The following ARL6IP6 variants were observed in gnomAD, a reference collection of about 807,000 sequenced individuals.
ARL6IP6 encodes ADP-ribosylation factor-like protein 6-interacting protein 6.
Under a neutral mutation model 21.5 loss-of-function variants are expected in ARL6IP6, and 22 were observed. That is an observed-to-expected ratio of 1.02 (90% CI 0.73 to 1.46). ARL6IP6 has a LOEUF of 1.46. ARL6IP6 is among the 40% of genes most tolerant of loss of function. The probability of loss-of-function intolerance (pLI) is 0.00; values close to 1 mark genes in which losing one functional copy is unlikely to be tolerated. For synonymous variants in ARL6IP6, 164 were observed against 125.3 expected, an observed-to-expected ratio of 1.31 and a Z score of -2.06; for missense variants, 388 against 299.8, an observed-to-expected ratio of 1.29 and a Z score of -2.17.
intron 1 of ARL6IP6, 141 bp from the exon 2 acceptor site, chr2:152,720,391 TG>T: frequency 1.3e-6 from 1 of 752,938 alleles, no homozygotes; most frequent in Non-Finnish European, 2.3e-6. Context: ...GTCACATAGC[TG>T]GTAAATTGAA....
At chr2:152,755,656 T>C (rs1189320361) in intron 3 of ARL6IP6, among the ~76,000 whole-genome samples, 5 of 152,212 alleles carry the variant, frequency 3.3e-5, no homozygotes, top group South Asian at 2.1e-4. Context: ...TTACATATCA[T>C]TGGAGATGAG....
intron 3 of ARL6IP6, among the ~76,000 whole-genome samples, chr2:152,752,294 C>A (rs1204497076): frequency 1.3e-5 from 2 of 152,144 alleles, no homozygotes; most frequent in Non-Finnish European, 2.9e-5. Context: ...ATTTTGGAAT[C>A]CATAGTAGAC....
intron 3 of ARL6IP6, among the ~76,000 whole-genome samples, chr2:152,748,046 G>T (rs948799543): frequency 5.3e-5 from 8 of 152,092 alleles, no homozygotes; most frequent in Admixed American, 1.3e-4. Context: ...ACCTGATACC[G>T]AGTATTCTGT....
At chr2:152,731,840 ATATATG>A (rs1435478194) in intron 2 of ARL6IP6, among the ~76,000 whole-genome samples, 1 of 151,948 alleles carries the variant, frequency 6.6e-6, no homozygotes, top group Non-Finnish European at 1.5e-5. Flanking sequence ...CAACATATGT[ATATATG>A]TATGTGTATA....
At chr2:152,735,388 A>C (rs151211400) in intron 3 of ARL6IP6, among the ~76,000 whole-genome samples, 2 of 152,156 alleles carry the variant, frequency 1.3e-5, no homozygotes, top group African/African-American at 4.8e-5. Flanking sequence ...TTTGATGGCT[A>C]TTTGTCCTTT....
chr2:152,752,966 G>T (rs1449609353), intron 3 of ARL6IP6, among the ~76,000 whole-genome samples: 1 of 151,818 alleles, frequency 6.6e-6, no homozygotes, highest in Non-Finnish European at 1.5e-5. Context: ...CTTTTAGGAG[G>T]TTAGCACAGA....
intron 1 of ARL6IP6, 103 bp downstream of exon 1, chr2:152,719,127 C>T: frequency 7.6e-7 from 1 of 1,311,196 alleles, no homozygotes; most frequent in Non-Finnish European, 1.0e-6. Context: ...AGCCCTCAGG[C>T]TGGCAGCTGC....
At position 152,718,665 on chromosome 2, in the gene ARL6IP6, G is replaced by C; in HGVS notation, c.41G>C (p.Arg14Pro). ...AESGWRSALRRRGPGTPGPVA... is the reference protein window; with the variant it reads ...AESGWRSALRPRGPGTPGPVA... The stretch of plus-strand genomic sequence containing the variant: ...AGCGGGTGGCGGTCGGCTCTGCGGC[G>C]CCGCGGTCCCGGCACCCCGGGCCCT... The change falls in exon 1 of 4, where the codon CGC becomes CCC. Residue 14 changes from arginine (R) to proline (P), a missense_variant. By Grantham distance (103) the Arg-to-Pro change is moderately radical (BLOSUM62 -2). Transcript: ENST00000326446. 6.4e-7 allele frequency: 1 copy of C among 1,567,852 alleles called. No individual in the cohort carries two copies. Among genetic ancestry groups the C allele is most frequent in the Non-Finnish European group, 8.6e-7 (1 of 1,156,234 alleles).
intron 2 of ARL6IP6, among the ~76,000 whole-genome samples, chr2:152,722,753 A>T (rs975367854): frequency 3.9e-5 from 6 of 152,056 alleles, no homozygotes; most frequent in African/African-American, 9.7e-5. Context: ...AAATACAAAA[A>T]CAAAATTAGC....
intron 3 of ARL6IP6, among the ~76,000 whole-genome samples, chr2:152,755,716 G>A (rs867783981): frequency 5.9e-4 from 89 of 152,078 alleles, no homozygotes; most frequent in African/African-American, 2.1e-3. Context: ...AAATAACAGC[G>A]CAGCTAGACA....
intron 3 of ARL6IP6, among the ~76,000 whole-genome samples, chr2:152,736,888 A>G (rs886961741): frequency 6.6e-6 from 1 of 152,182 alleles, no homozygotes; most frequent in African/African-American, 2.4e-5. Context: ...ATACCATGCC[A>G]TTTTATATAA....
At chr2:152,747,561 C>A (rs1022848064) in intron 3 of ARL6IP6, among the ~76,000 whole-genome samples, 2 of 151,912 alleles carry the variant, frequency 1.3e-5, no homozygotes, top group African/African-American at 4.8e-5. Context: ...TTACTCATTT[C>A]TCTCTCTTTT....
chr2:152,729,686 G>A (rs571790186), intron 2 of ARL6IP6, among the ~76,000 whole-genome samples: 15 of 152,134 alleles, frequency 9.9e-5, no homozygotes, highest in African/African-American at 3.6e-4. Context: ...TCTCACTTGT[G>A]GAAAATAAGC....
intron 2 of ARL6IP6, among the ~76,000 whole-genome samples, chr2:152,730,631 G>GT (rs1700264688): frequency 6.6e-6 from 1 of 152,106 alleles, no homozygotes; most frequent in Non-Finnish European, 1.5e-5. Flanking sequence ...GGTGCTAGAG[G>GT]TGGATACTGT....
rs1329135390 is a variant in ARL6IP6 at position 152,760,823 on chromosome 2, A to G, written c.*983A>G. ...CTTAATCTCAAAAATTTAGTTACCAAAGTAGAAAAGGTATTTTGATACTAG... is the reference window on the plus strand; with the variant it reads ...CTTAATCTCAAAAATTTAGTTACCAGAGTAGAAAAGGTATTTTGATACTAG... On this transcript the variant is annotated 3_prime_UTR_variant, in exon 4 of 4. Transcript: ENST00000326446. 6.6e-6 allele frequency: 1 copy of G among 151,984 alleles called. No homozygotes were observed. Among genetic ancestry groups the G allele is most frequent in the Non-Finnish European group, 1.5e-5 (1 of 67,974 alleles). The allele number at this position is 151,984 out of a possible 1,614,324, so 9.4% of individuals were successfully genotyped here.
chr2:152,723,835 G>A (rs1699905945), intron 2 of ARL6IP6, among the ~76,000 whole-genome samples: 1 of 151,966 alleles, frequency 6.6e-6, no homozygotes, highest in Non-Finnish European at 1.5e-5. Context: ...TGTGGGAGGT[G>A]GCCCATTCTC....
Position 152,759,754 on chromosome 2 carries a change from A to C in ARL6IP6, c.595A>C (p.Thr199Pro). The C allele has an allele frequency of 6.2e-7, 1 of 1,612,474 alleles. No homozygotes were observed. The highest frequency in any genetic ancestry group is 8.5e-7 in the Non-Finnish European group (1 of 1,178,846). The change falls in exon 4 of 4, where the codon ACT (threonine) becomes CCT (proline). Residue 199 changes from threonine to proline, a missense_variant. By Grantham distance (38) the Thr-to-Pro change is conservative. Coordinates refer to ENST00000326446, the MANE Select transcript of ARL6IP6 (RefSeq NM_152522.7). The stretch of plus-strand genomic sequence containing the variant: ...GTTTTTCTTTTTTTCTAGGAAACTG[A>C]CTGGACATTCTTTCCACATGGGCTA... ...PLSPARFKKL[T>P]GHSFHMGYSM...
At chr2:152,758,051 C>A (rs1468352312) in intron 3 of ARL6IP6, among the ~76,000 whole-genome samples, 4 of 152,080 alleles carry the variant, frequency 2.6e-5, no homozygotes, top group Admixed American at 6.5e-5. Context: ...ACAGTCATCC[C>A]CCTTTATCTG....
chr2:152,758,593 G>A (rs73969752), intron 3 of ARL6IP6, among the ~76,000 whole-genome samples: 384 of 152,216 alleles, frequency 2.5e-3, no homozygotes, highest in African/African-American at 8.9e-3. Flanking sequence ...TCTTTGACTA[G>A]CCCTAGTTGG....
Sources: allele counts gnomAD v4.1 joint callset (sites outside exome capture counted in the v4.1 genomes callset), GRCh38; gene constraint gnomAD v4.1.1; transcripts MANE v1.5; gene names NCBI Gene and HGNC (gene_info 2026-07-23, HGNC 2026-07-21).